Variants in PCM1 observed in about 807,000 individuals in gnomAD.
The protein encoded by PCM1 is pericentriolar material 1 protein.
PCM1 carries 157 observed loss-of-function variants against 241.9 expected under a neutral mutation model. The observed-to-expected ratio is 0.65, with a 90% CI of 0.57 to 0.74. PCM1 has a LOEUF of 0.74. Among genes scored for constraint, PCM1 ranks in the 30% least tolerant of loss-of-function variants. PCM1 has a pLI of 0.00. For synonymous variants in PCM1, 1,085 were observed against 784.9 expected, an observed-to-expected ratio of 1.38 and a Z score of -6.39; for missense variants, 3,478 against 2,360.1, an observed-to-expected ratio of 1.47 and a Z score of -9.81.
At chr8:17,933,967 AAG>A (rs748370804) in intron 2 of PCM1, among the ~76,000 whole-genome samples, 106 of 152,284 alleles carry the variant, frequency 7.0e-4, no homozygotes, top group Non-Finnish European at 1.0e-3. Context: ...TCATTAAAAA[AAG>A]AGTGAAATAT....
At chr8:17,972,740 C>T in intron 23 of PCM1, 53 bp downstream of exon 23, 1 of 1,113,724 alleles carries the variant, frequency 9.0e-7, no homozygotes, top group Non-Finnish European at 1.2e-6. Context: ...GGTAATCTTA[C>T]TTTGACATGT....
At chr8:17,924,397 A>G (rs1444508408) in intron 1 of PCM1, among the ~76,000 whole-genome samples, 2 of 152,224 alleles carry the variant, frequency 1.3e-5, no homozygotes, top group Non-Finnish European at 2.9e-5. Context: ...AGCTCGATCA[A>G]TCAGAGGAGT....
In PCM1 at chr8:17,972,658, C is replaced by G; in HGVS notation, c.3914C>G (p.Thr1305Ser). 1.3e-6 allele frequency: 2 copies of G among 1,571,028 alleles called. No homozygotes were observed. Among genetic ancestry groups the G allele is most frequent in the East Asian group, 2.3e-5 (1 of 44,414 alleles). Residue 1305 changes from threonine to serine, a missense_variant, in exon 23 of 39, where the codon ACT becomes AGT. Thr to Ser is a moderately conservative substitution (Grantham distance 58). Coordinates refer to ENST00000325083, the MANE Select transcript of PCM1 (RefSeq NM_006197.4). ...PKSKSKKRNS[T>S]QLKSRVKNIR... is the part of the protein sequence containing the mutation. ...TCAAAAAGTAAGAAGAGGAATTCTA[C>G]TCAGCTGAAAAGCAGAGTTAAAAAC...
At chr8:17,981,072 A>G (rs555298679) in intron 24 of PCM1, among the ~76,000 whole-genome samples, 71 of 152,316 alleles carry the variant, frequency 4.7e-4, no homozygotes, top group African/African-American at 1.4e-3. Flanking sequence ...TCCTGCTTCA[A>G]TCCTTTGGCT....
intron 17 of PCM1, among the ~76,000 whole-genome samples, chr8:17,964,008 C>G (rs1335466743): frequency 2.6e-5 from 4 of 152,122 alleles, no homozygotes; most frequent in Admixed American, 6.6e-5. Flanking sequence ...CACGTCTGTT[C>G]TTCTACAGAG....
At chr8:18,008,925 A>G (rs982926099) in intron 30 of PCM1, among the ~76,000 whole-genome samples, 1 of 152,204 alleles carries the variant, frequency 6.6e-6, no homozygotes, top group Non-Finnish European at 1.5e-5. Flanking sequence ...TGACATAATA[A>G]ATGTAGAGGG....
At chr8:17,931,439 C>T (rs547984525) in intron 2 of PCM1, among the ~76,000 whole-genome samples, 2 of 152,184 alleles carry the variant, frequency 1.3e-5, no homozygotes, top group East Asian at 3.9e-4. Context: ...CAGGCGTGTG[C>T]CACCATGGCT....
chr8:17,931,369 A>T (rs928986604), intron 2 of PCM1, among the ~76,000 whole-genome samples: 7 of 151,838 alleles, frequency 4.6e-5, no homozygotes, highest in African/African-American at 1.7e-4. Context: ...GCACACTGCA[A>T]CCTCTGCCTC....
chr8:17,963,101 T>G lies in PCM1; in HGVS notation c.2464T>G (p.Leu822Val), dbSNP rs1238976535. Reference protein sequence around the residue: ...PEDSSIVDNELWSEMRRHEML... With the variant: ...PEDSSIVDNEVWSEMRRHEML... ...AACTCTGGTTTCTTAAAAAAAATAG[T>G]TGTGGTCAGAAATGAGAAGACATGA... is the stretch of plus-strand genomic sequence containing the variant. Residue 822 changes from leucine to valine, a missense_variant and splice_region_variant, in exon 17 of 39, where the codon TTG becomes GTG. Transcript: ENST00000325083. 3 of 1,598,912 alleles carry G rather than the reference T, an allele frequency of 1.9e-6. No homozygotes were observed. The highest frequency in any genetic ancestry group is 2.6e-6 in the Non-Finnish European group (3 of 1,172,472).
intron 6 of PCM1, among the ~76,000 whole-genome samples, chr8:17,942,770 C>T (rs941624999): frequency 3.9e-5 from 6 of 151,966 alleles, no homozygotes; most frequent in African/African-American, 9.7e-5. Flanking sequence ...CCGAGGCAGG[C>T]GGATCACGAG....
At chr8:17,976,420 C>T (rs774825058) in intron 23 of PCM1, among the ~76,000 whole-genome samples, 64 of 152,172 alleles carry the variant, frequency 4.2e-4, no homozygotes, top group Admixed American at 1.4e-3. Context: ...GAAGAAAGGT[C>T]TCATGTTTCA....
At chr8:17,961,088 A>G (rs2071676625) in intron 15 of PCM1, among the ~76,000 whole-genome samples, 1 of 152,166 alleles carries the variant, frequency 6.6e-6, no homozygotes, top group Non-Finnish European at 1.5e-5. Flanking sequence ...ATAATATAAT[A>G]AAATCTTTAA....
At chr8:18,000,352 A>G (rs947877095) in intron 29 of PCM1, among the ~76,000 whole-genome samples, 14 of 152,226 alleles carry the variant, frequency 9.2e-5, no homozygotes, top group East Asian at 5.8e-4. Context: ...AAACTCCTAG[A>G]AGATTTTAAG....
chr8:17,981,771 T>G (rs1400966401), intron 24 of PCM1, among the ~76,000 whole-genome samples: 3 of 152,196 alleles, frequency 2.0e-5, no homozygotes, highest in South Asian at 2.1e-4. Flanking sequence ...AGGGAACTTT[T>G]TTTTGTTTTG....
At chr8:17,980,560 C>G in intron 23 of PCM1, 31 bp from the exon 24 acceptor site, 8 of 1,547,744 alleles carry the variant, frequency 5.2e-6, no homozygotes, top group Non-Finnish European at 7.0e-6. Flanking sequence ...TTAGTTGCAA[C>G]TGATAACAGT....
In PCM1 at chr8:17,974,420, AG is replaced by A. The variant is rs199525425; in HGVS notation, c.3943+1736del. ...TTCAGATAGTTAATTTGAATCTGATAGGGCAATACTTCATAAACTTGAGTTT... is the reference window on the plus strand; with the variant it reads ...TTCAGATAGTTAATTTGAATCTGATAGGCAATACTTCATAAACTTGAGTTT... On this transcript the variant is annotated intron_variant, in intron 23 of 38. Coordinates refer to ENST00000325083, the MANE Select transcript of PCM1 (RefSeq NM_006197.4). Among the ~76,000 whole-genome samples, 624 of 152,348 alleles carry A rather than the reference AG, an allele frequency of 4.1e-3. 2 individuals are homozygous for A. The highest frequency in any genetic ancestry group is 4.7e-3 in the Admixed American group (72 of 15,308).
chr8:18,011,903 T>G, intron 34 of PCM1, 76 bp downstream of exon 34: 1 of 1,261,874 alleles, frequency 7.9e-7, no homozygotes, highest in South Asian at 1.3e-5. Flanking sequence ...TTATTTTAAC[T>G]AATCAAAGTA....
intron 30 of PCM1, 63 bp downstream of exon 30, chr8:18,006,460 G>T (rs1206219033): frequency 1.8e-6 from 2 of 1,087,560 alleles, no homozygotes; most frequent in Admixed American, 1.9e-5. Flanking sequence ...TTTTTCGGGG[G>T]GTGGGTGAGG....
chr8:17,945,984 C>A (rs989475198), intron 6 of PCM1, among the ~76,000 whole-genome samples: 12 of 151,924 alleles, frequency 7.9e-5, no homozygotes, highest in African/African-American at 2.9e-4. Flanking sequence ...AAAGGTAAAT[C>A]GGTGATGAAA....
Sources: allele counts gnomAD v4.1 joint callset (sites outside exome capture counted in the v4.1 genomes callset), GRCh38; gene constraint gnomAD v4.1.1; transcripts MANE v1.5; gene names NCBI Gene and HGNC (gene_info 2026-07-23, HGNC 2026-07-21).